The following TMEM132C variants were observed in gnomAD, a reference collection of about 807,000 sequenced individuals.
The protein encoded by TMEM132C is transmembrane protein 132C.
In TMEM132C, 29 loss-of-function variants were observed where a neutral mutation model predicts 61.4. That is an observed-to-expected ratio of 0.47 (90% CI 0.35 to 0.64). The LOEUF is 0.64. Among genes scored for constraint, TMEM132C ranks in the 30% least tolerant of loss-of-function variants. The pLI is 0.00. For synonymous variants in TMEM132C, 656 were observed against 633.1 expected (o/e 1.04, Z -0.54); for missense variants, 1,408 against 1,476.9 (o/e 0.95, Z 0.76).
At chr12:128,654,827 G>A (rs1366817333) in intron 4 of TMEM132C, among the ~76,000 whole-genome samples, 1 of 152,152 alleles carries the variant, frequency 6.6e-6, no homozygotes, top group East Asian at 1.9e-4. Flanking sequence ...CAGAGAAGGC[G>A]TAACTAAGAA....
intron 7 of TMEM132C, among the ~76,000 whole-genome samples, chr12:128,696,661 C>A (rs1453186679): frequency 2.0e-5 from 3 of 152,312 alleles, no homozygotes; most frequent in Admixed American, 2.0e-4. Context: ...AAGTCCCACC[C>A]TACTGAATCC....
intron 4 of TMEM132C, among the ~76,000 whole-genome samples, chr12:128,640,235 G>C (rs557058209): frequency 2.0e-5 from 3 of 152,308 alleles, no homozygotes; most frequent in East Asian, 1.9e-4. Context: ...CAGAGATATA[G>C]CCATTTTAAT....
intron 1 of TMEM132C, among the ~76,000 whole-genome samples, chr12:128,295,169 A>T (rs1344092036): frequency 6.6e-6 from 1 of 152,150 alleles, no homozygotes; most frequent in Admixed American, 6.5e-5. Flanking sequence ...CTAGCTCTAG[A>T]AATAAATTTA....
At chr12:128,614,605 G>A (rs1876738248) in intron 3 of TMEM132C, among the ~76,000 whole-genome samples, 1 of 152,182 alleles carries the variant, frequency 6.6e-6, no homozygotes, top group Non-Finnish European at 1.5e-5. Context: ...TGTGGTTGTG[G>A]GCAAGCCATC....
In TMEM132C at chr12:128,414,894, CCTT is replaced by C. The variant is rs1868705086; in HGVS notation, c.252_254del (p.Phe85del). 1.3e-6 allele frequency: 2 copies of C among 1,551,812 alleles called. No individual in the cohort carries two copies. The highest frequency in any genetic ancestry group is 1.4e-5 in the African/African-American group (1 of 73,132). On this transcript the variant is annotated inframe_deletion, in exon 2 of 9. Transcript: ENST00000435159. ...TCCAGCCTGCAGGCGAGGGTGGAGT[CCTT>C]CTTTACCTACAAAACCAGGCAGCCC...
At chr12:128,541,031 C>G (rs12816937) in intron 2 of TMEM132C, among the ~76,000 whole-genome samples, 3 of 151,556 alleles carry the variant, frequency 2.0e-5, no homozygotes, top group African/African-American at 7.3e-5. Context: ...TTCTCTGTCT[C>G]TCTCTCTCTC....
At chr12:128,539,194 C>T (rs527352505) in intron 2 of TMEM132C, among the ~76,000 whole-genome samples, 11 of 152,318 alleles carry the variant, frequency 7.2e-5, no homozygotes, top group African/African-American at 2.6e-4. Flanking sequence ...GGATTCTTTC[C>T]ACGTCACTTG....
chr12:128,681,797 G>GTGAGCGC (rs1954637084), intron 5 of TMEM132C, among the ~76,000 whole-genome samples: 1 of 149,952 alleles, frequency 6.7e-6, no homozygotes, highest in African/African-American at 2.5e-5. Context: ...GGGACTACAG[G>GTGAGCGC]TGAGCGCTAC....
rs964105346 is a variant in TMEM132C at position 128,707,599 on chromosome 12, T to G, written c.*1304T>G. 1.3e-5 allele frequency: 2 copies of G among 152,186 alleles called. No homozygotes were observed. The highest frequency in any genetic ancestry group is 2.9e-5 in the Non-Finnish European group (2 of 68,042). 9.4% of individuals were successfully genotyped at this position (152,186 alleles called of 1,614,324 possible). A position where few individuals can be genotyped will look rare whatever the true frequency, so the allele number is the denominator to read the frequency against. On this transcript the variant is annotated 3_prime_UTR_variant, in exon 9 of 9. Coordinates refer to ENST00000435159, the MANE Select transcript of TMEM132C (RefSeq NM_001136103.3). ...CATGTGGCAACGTAGACCACGCCAGTGAAATAAGCCCCTTCGTGATCACCT... is the reference window on the plus strand; with the variant it reads ...CATGTGGCAACGTAGACCACGCCAGGGAAATAAGCCCCTTCGTGATCACCT...
Position 128,592,274 on chromosome 12 carries a change from C to T in TMEM132C, c.1122-23878C>T, listed in dbSNP as rs80222945. On this transcript the variant is annotated intron_variant, in intron 3 of 8. Transcript: ENST00000435159. The stretch of plus-strand genomic sequence containing the variant: ...CTGTTTAGTTTTTACACGCCTGTAT[C>T]GCTTCACTTATTTTTATCTCCTACT... Among the ~76,000 whole-genome samples, 1,497 of 152,244 alleles carry T rather than the reference C, an allele frequency of 9.8e-3. 21 individuals carry two copies. The highest frequency in any genetic ancestry group is 0.033 in the African/African-American group (1,388 of 41,544).
intron 2 of TMEM132C, among the ~76,000 whole-genome samples, chr12:128,479,074 T>C (rs991618821): frequency 3.3e-5 from 5 of 152,096 alleles, no homozygotes; most frequent in African/African-American, 1.2e-4. Flanking sequence ...AGGACATGGA[T>C]GGAGCTGGAG....
At chr12:128,575,066 T>C (rs1875039267) in intron 3 of TMEM132C, among the ~76,000 whole-genome samples, 1 of 152,238 alleles carries the variant, frequency 6.6e-6, no homozygotes, top group African/African-American at 2.4e-5. Context: ...TTCTTTGTAA[T>C]GTGGACAGTC....
At chr12:128,601,965 C>T (rs1041085121) in intron 3 of TMEM132C, among the ~76,000 whole-genome samples, 7 of 152,054 alleles carry the variant, frequency 4.6e-5, no homozygotes, top group African/African-American at 1.7e-4. Flanking sequence ...GTGATCCCAG[C>T]ACTTTGGGAG....
chr12:128,432,846 C>T (rs1277340825), intron 2 of TMEM132C, among the ~76,000 whole-genome samples: 1 of 152,058 alleles, frequency 6.6e-6, no homozygotes, highest in Admixed American at 6.6e-5. Context: ...TCGCGTACTA[C>T]AGAGAAGTGA....
At chr12:128,456,242 T>C (rs73440655) in intron 2 of TMEM132C, among the ~76,000 whole-genome samples, 1 of 152,116 alleles carries the variant, frequency 6.6e-6, no homozygotes, top group Non-Finnish European at 1.5e-5. Flanking sequence ...TGAGACCCGA[T>C]GCAGTCTTCA....
At chr12:128,668,136 T>G (rs1307725583) in intron 4 of TMEM132C, among the ~76,000 whole-genome samples, 1 of 152,048 alleles carries the variant, frequency 6.6e-6, no homozygotes, top group Non-Finnish European at 1.5e-5. Flanking sequence ...TAAAATGATC[T>G]GGGCATGGTG....
intron 2 of TMEM132C, among the ~76,000 whole-genome samples, chr12:128,473,314 G>A: frequency 8.1e-6 from 1 of 123,378 alleles, no homozygotes. Context: ...CTTCACTCCA[G>A]CCTCTATCTT....
chr12:128,346,736 T>C (rs909595771), intron 1 of TMEM132C, among the ~76,000 whole-genome samples: 3 of 152,298 alleles, frequency 2.0e-5, no homozygotes, highest in South Asian at 4.2e-4. Flanking sequence ...TAGTGATTTT[T>C]CCACATTGAT....
chr12:128,576,200 G>C (rs1875085475), intron 3 of TMEM132C, among the ~76,000 whole-genome samples: 1 of 151,800 alleles, frequency 6.6e-6, no homozygotes, highest in South Asian at 2.1e-4. Context: ...TTTGCAGTGA[G>C]CTGAGATCAC....
Sources: gnomAD v4.1 joint callset for allele counts (sites outside exome capture counted in the v4.1 genomes callset) on GRCh38, gnomAD v4.1.1 for gene constraint, MANE v1.5 for transcripts, NCBI Gene and HGNC (gene_info 2026-07-23, HGNC 2026-07-21) for gene names.